The following SGCZ variants were observed in gnomAD, a reference collection of about 807,000 sequenced individuals.
SGCZ encodes zeta-sarcoglycan.
Under a neutral mutation model 41.3 loss-of-function variants are expected in SGCZ, and 40 were observed. That is an observed-to-expected ratio of 0.97 (90% CI 0.75 to 1.26). The LOEUF (loss-of-function observed/expected upper bound fraction) is 1.26, where lower values mean the gene tolerates loss of function less well. Among genes scored for constraint, SGCZ ranks in the 50% most tolerant of loss-of-function variants. The pLI is 0.00. For synonymous variants in SGCZ, 206 were observed against 137.5 expected (o/e 1.50, Z -3.49); for missense variants, 552 against 369.8 (o/e 1.49, Z -4.04).
At chr8:14,968,347 G>T (rs1179516354) in intron 1 of SGCZ, among the ~76,000 whole-genome samples, 2 of 151,982 alleles carry the variant, frequency 1.3e-5, no homozygotes, top group African/African-American at 4.8e-5. Context: ...ATTTTATGAA[G>T]ACTTACTAAC....
At chr8:14,146,148 G>C (rs1803513909) in intron 5 of SGCZ, among the ~76,000 whole-genome samples, 1 of 152,098 alleles carries the variant, frequency 6.6e-6, no homozygotes, top group African/African-American at 2.4e-5. Flanking sequence ...AAGGCATTTA[G>C]TTATCAAACT....
rs149860138 is a variant in SGCZ at position 14,191,260 on chromosome 8, A to G, written c.425-26558T>C. 1.6e-4 allele frequency among the ~76,000 whole-genome samples: 25 copies of G among 152,222 alleles called. No individual in the cohort carries two copies. The East Asian group carries it at 4.8e-3, about 29-fold the overall frequency. ...TGACCTTTATCAGTTACATAGTCCAAATATATAATCCTTTAATCCATATGC... is the reference window on the plus strand; with the variant it reads ...TGACCTTTATCAGTTACATAGTCCAGATATATAATCCTTTAATCCATATGC... On this transcript the variant is annotated intron_variant, in intron 4 of 7. Transcript: ENST00000382080.
intron 1 of SGCZ, among the ~76,000 whole-genome samples, chr8:14,804,996 G>T (rs1436754028): frequency 1.9e-5 from 2 of 103,018 alleles, no homozygotes; most frequent in African/African-American, 3.9e-5. Flanking sequence ...ATAAGTGAAG[G>T]AGAAATAAAA....
intron 1 of SGCZ, among the ~76,000 whole-genome samples, chr8:15,219,231 T>C (rs989670623): frequency 6.6e-6 from 1 of 152,194 alleles, no homozygotes. Context: ...TCAGGGATCA[T>C]ACATGTGGAT....
chr8:14,436,562 A>G (rs535080294), intron 2 of SGCZ, among the ~76,000 whole-genome samples: 21 of 152,276 alleles, frequency 1.4e-4, no homozygotes, highest in African/African-American at 5.1e-4. Context: ...ATTTGCACGG[A>G]TGGTGCAAAA....
chr8:15,115,198 C>T (rs1807222409), intron 1 of SGCZ, among the ~76,000 whole-genome samples: 1 of 152,158 alleles, frequency 6.6e-6, no homozygotes, highest in Non-Finnish European at 1.5e-5. Context: ...GGTGTGCTGC[C>T]TTCTTTACAC....
At chr8:14,641,091 A>G (rs915086754) in intron 1 of SGCZ, among the ~76,000 whole-genome samples, 11 of 151,600 alleles carry the variant, frequency 7.3e-5, no homozygotes, top group African/African-American at 2.7e-4. Flanking sequence ...TAATCAAACT[A>G]ACACTTCCAA....
chr8:14,183,604 T>C (rs1285050317), intron 4 of SGCZ, among the ~76,000 whole-genome samples: 1 of 152,178 alleles, frequency 6.6e-6, no homozygotes. Context: ...ACACGGAATA[T>C]TATCTCAGCA....
chr8:14,915,861 T>A lies in SGCZ; in HGVS notation c.39+321724A>T, dbSNP rs550503740. Among the ~76,000 whole-genome samples, 3 of 152,296 alleles carry A rather than the reference T, an allele frequency of 2.0e-5. No homozygotes were observed. The South Asian group carries it at 6.2e-4, about 32-fold the overall frequency. ...AACCCACCCACATGTGTCTGCGTCC[T>A]GAATTCTTTCTCAGTGACAGACAAT... is the stretch of plus-strand genomic sequence containing the variant. On this transcript the variant is annotated intron_variant, in intron 1 of 7. Transcript: ENST00000382080.
chr8:14,614,556 T>C (rs1050283497), intron 1 of SGCZ, among the ~76,000 whole-genome samples: 1 of 152,192 alleles, frequency 6.6e-6, no homozygotes, highest in Non-Finnish European at 1.5e-5. Flanking sequence ...AATACTCTCC[T>C]TTTGTGAATA....
At chr8:14,308,540 A>AC (rs1252285007) in intron 3 of SGCZ, among the ~76,000 whole-genome samples, 1 of 150,782 alleles carries the variant, frequency 6.6e-6, no homozygotes, top group Non-Finnish European at 1.5e-5. Context: ...GAGAAGAAAG[A>AC]CCCCCTTGCC....
intron 1 of SGCZ, among the ~76,000 whole-genome samples, chr8:14,730,701 C>T (rs753420162): frequency 2.6e-5 from 4 of 151,712 alleles, no homozygotes; most frequent in African/African-American, 4.9e-5. Context: ...GGACTGGGGC[C>T]AACATGTTCA....
At chr8:15,175,334 T>A (rs750459039) in intron 1 of SGCZ, among the ~76,000 whole-genome samples, 2 of 151,838 alleles carry the variant, frequency 1.3e-5, no homozygotes, top group Non-Finnish European at 2.9e-5. Context: ...CTGTACGCCA[T>A]AGATTACTAT....
intron 4 of SGCZ, among the ~76,000 whole-genome samples, chr8:14,174,195 A>G (rs1804474420): frequency 6.6e-6 from 1 of 152,156 alleles, no homozygotes. Flanking sequence ...AAAGAACAAA[A>G]TTGAAACACT....
rs185144682 is a variant in SGCZ, at chr8:14,331,279, A to G, written c.235-7075T>C. Among the ~76,000 whole-genome samples the G allele has an allele frequency of 2.7e-3, 413 of 152,214 alleles. 5 individuals are homozygous for G. Among genetic ancestry groups the G allele is most frequent in the African/African-American group, 9.0e-3 (373 of 41,582 alleles). ...ACTTCATTTTGCTATTAATTTTTAAATCTATGTTACATCAGTAAGAAAAAA... is the reference window on the plus strand; with the variant it reads ...ACTTCATTTTGCTATTAATTTTTAAGTCTATGTTACATCAGTAAGAAAAAA... On this transcript the variant is annotated intron_variant, in intron 2 of 7. Coordinates refer to ENST00000382080, the MANE Select transcript of SGCZ (RefSeq NM_139167.4).
At chr8:14,908,647 G>C (rs954505570) in intron 1 of SGCZ, among the ~76,000 whole-genome samples, 1 of 151,390 alleles carries the variant, frequency 6.6e-6, no homozygotes, top group Admixed American at 6.6e-5. Context: ...CTACTCAGGA[G>C]GCTGAGGCAG....
intron 1 of SGCZ, among the ~76,000 whole-genome samples, chr8:14,768,938 A>G (rs936611815): frequency 1.3e-5 from 2 of 152,102 alleles, no homozygotes; most frequent in Admixed American, 6.6e-5. Context: ...TGGCAGCATT[A>G]TAGATCTTAA....
At chr8:14,419,121 T>G (rs1020331041) in intron 2 of SGCZ, among the ~76,000 whole-genome samples, 2 of 151,848 alleles carry the variant, frequency 1.3e-5, no homozygotes, top group Non-Finnish European at 2.9e-5. Flanking sequence ...GGGAAAAGTA[T>G]AATAAAAATA....
intron 1 of SGCZ, among the ~76,000 whole-genome samples, chr8:14,725,075 A>G (rs1810007366): frequency 6.6e-6 from 1 of 152,154 alleles, no homozygotes; most frequent in African/African-American, 2.4e-5. Flanking sequence ...TTTAGCTCCC[A>G]CATATGAGTG....
Sources: allele counts gnomAD v4.1 joint callset (sites outside exome capture counted in the v4.1 genomes callset), GRCh38; gene constraint gnomAD v4.1.1; transcripts MANE v1.5; gene names NCBI Gene and HGNC (gene_info 2026-07-23, HGNC 2026-07-21).